CELF2: variants seen among roughly 807,000 people sequenced by gnomAD.
CELF2 encodes CUGBP Elav-like family member 2, also known as CUG triplet repeat RNA-binding protein 2.
Under a neutral mutation model 62.6 loss-of-function variants are expected in CELF2, and 8 were observed. The observed-to-expected ratio is 0.13, with a 90% CI of 0.07 to 0.23. The LOEUF is 0.23. Ranked by LOEUF, CELF2 falls within the 10% of genes least tolerant of loss-of-function variation. The pLI, the probability that CELF2 is intolerant of heterozygous loss-of-function variation, is 1.00. For missense variants in CELF2, 333 were observed against 671.0 expected (o/e 0.50, Z 5.56); for synonymous variants, 258 against 250.0 (o/e 1.03, Z -0.30).
intron 2 of CELF2, among the ~76,000 whole-genome samples, chr10:10,967,985 A>G (rs890056002): frequency 6.6e-6 from 1 of 152,126 alleles, no homozygotes; most frequent in Non-Finnish European, 1.5e-5. Context: ...AATGTAAGTT[A>G]TTAAAATCCA....
At chr10:10,722,065 G>A in the CELF2 span, among the ~76,000 whole-genome samples, 2 of 152,210 alleles carry the variant, frequency 1.3e-5, no homozygotes, top group Admixed American at 1.3e-4. Context: ...CACTTTGGGA[G>A]GCTAAGGCAG....
the CELF2 span, among the ~76,000 whole-genome samples, chr10:10,624,092 GA>G: frequency 6.6e-6 from 1 of 152,182 alleles, no homozygotes; most frequent in Non-Finnish European, 1.5e-5. Context: ...CTTGGAATGA[GA>G]AAGAACAGGA....
At chr10:10,698,165 G>C in the CELF2 span, among the ~76,000 whole-genome samples, 1 of 152,144 alleles carries the variant, frequency 6.6e-6, no homozygotes, top group Non-Finnish European at 1.5e-5. Flanking sequence ...AGTTTATTTC[G>C]TAGATCCTAA....
the CELF2 span, among the ~76,000 whole-genome samples, chr10:10,719,939 C>G: frequency 1.3e-5 from 2 of 152,214 alleles, no homozygotes; most frequent in African/African-American, 4.8e-5. Context: ...CATTGACAGC[C>G]ATCCACAAAG....
intron 1 of CELF2, among the ~76,000 whole-genome samples, chr10:11,033,656 A>G (rs1339764207): frequency 6.6e-6 from 1 of 152,250 alleles, no homozygotes; most frequent in Non-Finnish European, 1.5e-5. Context: ...ATTTATTTTA[A>G]GAAAGGTAAT....
At chr10:10,960,706 G>C (rs60336235) in intron 2 of CELF2, among the ~76,000 whole-genome samples, 1 of 152,324 alleles carries the variant, frequency 6.6e-6, no homozygotes, top group East Asian at 1.9e-4. Flanking sequence ...TTTCCTAACA[G>C]AGCAGGGCAG....
the CELF2 span, among the ~76,000 whole-genome samples, chr10:10,613,017 G>A: frequency 1.3e-5 from 2 of 152,304 alleles, no homozygotes; most frequent in East Asian, 1.9e-4. Context: ...AATAAAACTA[G>A]CATCAGAGGA....
At chr10:10,802,444 T>A (rs7912961) in intron 1 of CELF2, among the ~76,000 whole-genome samples, 2 of 152,008 alleles carry the variant, frequency 1.3e-5, no homozygotes, top group Non-Finnish European at 2.9e-5. Context: ...CACTCCAGCC[T>A]GGGTGACAGA....
the CELF2 span, among the ~76,000 whole-genome samples, chr10:10,705,107 G>A: frequency 6.6e-6 from 1 of 152,066 alleles, no homozygotes; most frequent in South Asian, 2.1e-4. Flanking sequence ...GATCGCTTGA[G>A]CGTAGATATG....
chr10:10,545,730 G>A, the CELF2 span, among the ~76,000 whole-genome samples: 1 of 152,096 alleles, frequency 6.6e-6, no homozygotes, highest in Non-Finnish European at 1.5e-5. Flanking sequence ...TGTTAAGAAA[G>A]AGTTAACCTT....
chr10:10,693,584 T>C, the CELF2 span, among the ~76,000 whole-genome samples: 1 of 151,242 alleles, frequency 6.6e-6, no homozygotes, highest in African/African-American at 2.4e-5. Flanking sequence ...TCAGAAGGAA[T>C]GGTACCAGTT....
intron 2 of CELF2, among the ~76,000 whole-genome samples, chr10:11,174,360 T>C (rs964640968): frequency 6.6e-6 from 1 of 152,136 alleles, no homozygotes; most frequent in Non-Finnish European, 1.5e-5. Context: ...AGCCAATGGG[T>C]CAGACAGTGG....
At chr10:10,481,000 T>C in the CELF2 span, among the ~76,000 whole-genome samples, 1 of 151,976 alleles carries the variant, frequency 6.6e-6, no homozygotes, top group African/African-American at 2.4e-5. Flanking sequence ...GAGGCGGAGG[T>C]TGCAGTGAGC....
At chr10:11,087,543 C>A (rs2047155311) in intron 1 of CELF2, among the ~76,000 whole-genome samples, 1 of 152,248 alleles carries the variant, frequency 6.6e-6, no homozygotes, top group Non-Finnish European at 1.5e-5. Context: ...TATCGCACAG[C>A]AGCGAGCTGC....
intron 2 of CELF2, among the ~76,000 whole-genome samples, chr10:10,956,463 C>T (rs1315712858): frequency 1.3e-5 from 2 of 152,108 alleles, no homozygotes; most frequent in Non-Finnish European, 2.9e-5. Flanking sequence ...TGGAAGCAGC[C>T]CAGACTTGGA....
the CELF2 span, among the ~76,000 whole-genome samples, chr10:10,608,141 CAAA>C: frequency 0.14 from 21,269 of 151,926 alleles, 1,788 homozygotes; most frequent in Non-Finnish European, 0.2. Context: ...AACAAACAAA[CAAA>C]CAAACAAACA....
intron 7 of CELF2, among the ~76,000 whole-genome samples, chr10:11,273,430 A>G (rs2765985): frequency 0.74 from 111,922 of 152,076 alleles, 42,234 homozygotes; most frequent in Non-Finnish European, 0.81. Flanking sequence ...TTCCCGATGA[A>G]CTGAGGTGGA....
the CELF2 span, among the ~76,000 whole-genome samples, chr10:10,698,265 C>G: frequency 6.6e-6 from 1 of 152,218 alleles, no homozygotes; most frequent in East Asian, 1.9e-4. Context: ...CCAATGGAAT[C>G]GATTAATAGC....
At chr10:10,669,766 G>A in the CELF2 span, among the ~76,000 whole-genome samples, 1 of 152,128 alleles carries the variant, frequency 6.6e-6, no homozygotes, top group African/African-American at 2.4e-5. Context: ...ATATTCACAA[G>A]ATATTATTCC....
Sources: gnomAD v4.1 joint callset for allele counts (sites outside exome capture counted in the v4.1 genomes callset) on GRCh38, gnomAD v4.1.1 for gene constraint, MANE v1.5 for transcripts, NCBI Gene and HGNC (gene_info 2026-07-23, HGNC 2026-07-21) for gene names.